The following DST variants were observed in gnomAD, a reference collection of about 807,000 sequenced individuals.
The protein encoded by DST is bullous pemphigoid antigen.
A neutral mutation model predicts 875.2 loss-of-function variants in DST; 253 were observed. That is an observed-to-expected ratio of 0.29 (90% CI 0.26 to 0.32). DST has a LOEUF of 0.32. Among genes scored for constraint, DST ranks in the 10% least tolerant of loss-of-function variants. DST has a pLI of 1.00. For missense variants in DST, 8,287 were observed against 9,111.6 expected (o/e 0.91, Z 3.68); for synonymous variants, 3,124 against 3,197.1 (o/e 0.98, Z 0.77).
intron 4 of DST, among the ~76,000 whole-genome samples, chr6:56,801,707 T>C (rs888529118): frequency 1.3e-5 from 2 of 152,012 alleles, no homozygotes; most frequent in African/African-American, 4.8e-5. Flanking sequence ...ATATAAAATG[T>C]ATTTAATGTT....
intron 15 of DST, among the ~76,000 whole-genome samples, chr6:56,644,010 A>C (rs2098928113): frequency 6.6e-6 from 1 of 152,250 alleles, no homozygotes; most frequent in African/African-American, 2.4e-5. Context: ...AGACGGTTAA[A>C]GAACTTGTCT....
rs780020935 is a variant in DST, at chr6:56,600,139, A to G, written c.11624T>C (p.Ile3875Thr). 11 of 1,612,998 alleles carry G rather than the reference A, an allele frequency of 6.8e-6. No homozygotes were observed. The highest frequency in any genetic ancestry group is 1.7e-5 in the Admixed American group (1 of 59,938). Residue 3875 changes from isoleucine to threonine, a missense_variant, in exon 45 of 104, where the codon ATT (isoleucine) becomes ACT (threonine). Physicochemically the swap from Ile to Thr is moderately conservative, Grantham distance 89. Transcript: ENST00000680361. ...AATCATGAAGGCTTCTTGGTGACCA[A>G]TTAGGCGGTTTTCAGTTTGGGTAAG... ...DLLTQTENRL[I>T]GHQEAFMIGD...
In DST at chr6:56,817,088, A is replaced by AACAC. The variant is rs55717102; in HGVS notation, c.625+34305_625+34308dup. Among the ~76,000 whole-genome samples, 646 of 149,334 alleles carry AACAC rather than the reference A, an allele frequency of 4.3e-3. 1 individual carries two copies. Among genetic ancestry groups the AACAC allele is most frequent in the Middle Eastern group, 0.01 (3 of 290 alleles). ...AATGGGTGTAGCTTTAAGCCACTTA[A>AACAC]ACACACACACACACACACACAAAGT... On this transcript the variant is annotated intron_variant, in intron 4 of 103. Coordinates refer to ENST00000680361, the MANE Select transcript of DST (RefSeq NM_001374736.1).
At chr6:56,937,719 A>G (rs1240647666) in intron 2 of DST, among the ~76,000 whole-genome samples, 1 of 152,214 alleles carries the variant, frequency 6.6e-6, no homozygotes, top group African/African-American at 2.4e-5. Context: ...CAGCGGTGCT[A>G]TTTGTAATAG....
At chr6:56,651,435 A>G (rs1426496932) in intron 10 of DST, among the ~76,000 whole-genome samples, 191 bp from the exon 11 acceptor site, 1 of 152,270 alleles carries the variant, frequency 6.6e-6, no homozygotes, top group Non-Finnish European at 1.5e-5. Context: ...GAAAGCAAAT[A>G]TAACAATGAA....
rs560268832 is a variant in DST at position 56,494,012 on chromosome 6, T to C, written c.20392A>G (p.Lys6798Glu). 195 of 1,585,178 alleles carry C rather than the reference T, an allele frequency of 1.2e-4. No individual in the cohort carries two copies. The highest frequency in any genetic ancestry group is 5.1e-4 in the Middle Eastern group (3 of 5,940). Residue 6798 changes from lysine to glutamate, a missense_variant and splice_region_variant, in exon 83 of 104, where the codon AAA (lysine) becomes GAA (glutamate). Physicochemically the swap from Lys to Glu is moderately conservative, Grantham distance 56. Around this residue, in one of 10 missense-constraint regions of DST, gnomAD observed 1,292 missense variants for 1,552.7 expected, o/e 0.83. Transcript: ENST00000680361. The part of the protein sequence containing the change: ...ESVETKLNER[K>E]TKLEEALNLA... ...ATTATATTAATCAAAGCACATACTT[T>C]CCTTTCATTGAGTTTGGTTTCCACC...
At chr6:56,573,310 C>A (rs1585234616) in intron 51 of DST, among the ~76,000 whole-genome samples, 1 of 152,170 alleles carries the variant, frequency 6.6e-6, no homozygotes, top group Non-Finnish European at 1.5e-5. Context: ...TACTCAGCAA[C>A]CCCTAGAATC....
chr6:56,504,888 T>C, intron 77 of DST, among the ~76,000 whole-genome samples: 1 of 151,998 alleles, frequency 6.6e-6, no homozygotes, highest in African/African-American at 2.4e-5. Context: ...AAATTGTAGA[T>C]GGGGTACTTC....
At chr6:56,756,554 C>T (rs1417801775) in intron 4 of DST, among the ~76,000 whole-genome samples, 4 of 152,256 alleles carry the variant, frequency 2.6e-5, no homozygotes, top group East Asian at 1.9e-4. Flanking sequence ...AGGATAAAGA[C>T]GCTGGCAGGA....
At chr6:56,851,665 T>C in intron 3 of DST, 61 bp from the exon 4 acceptor site, 1 of 1,571,338 alleles carries the variant, frequency 6.4e-7, no homozygotes, top group Non-Finnish European at 8.6e-7. Flanking sequence ...CTCAATGATT[T>C]AAACATCTCC....
At chr6:56,707,471 T>C (rs1000984210) in intron 5 of DST, among the ~76,000 whole-genome samples, 2 of 152,184 alleles carry the variant, frequency 1.3e-5, no homozygotes, top group Non-Finnish European at 2.9e-5. Context: ...TCAAAATAAA[T>C]GGCTTTATTG....
intron 4 of DST, among the ~76,000 whole-genome samples, chr6:56,775,084 A>G (rs779569525): frequency 1.4e-4 from 21 of 152,154 alleles, no homozygotes; most frequent in Non-Finnish European, 2.6e-4. Context: ...AACAGCTTCA[A>G]TAGTAGAGTG....
At chr6:56,869,397 G>C (rs1413054345) in intron 3 of DST, among the ~76,000 whole-genome samples, 1 of 152,140 alleles carries the variant, frequency 6.6e-6, no homozygotes, top group African/African-American at 2.4e-5. Context: ...AGTTTCACTT[G>C]ACAAACAGGA....
chr6:56,618,393 C>G (rs771042463), intron 36 of DST: 1 of 1,614,170 alleles, frequency 6.2e-7, no homozygotes, highest in East Asian at 2.2e-5. Context: ...ATCTCAAAAT[C>G]TGGTTTGAAG....
At chr6:56,940,229 CACACACAT>C (rs1468805842) in intron 2 of DST, among the ~76,000 whole-genome samples, 106 of 137,962 alleles carry the variant, frequency 7.7e-4, no homozygotes, top group African/African-American at 2.5e-3. Flanking sequence ...CACACACACA[CACACACAT>C]ATATACATAT....
chr6:56,724,160 T>C (rs1381291084), intron 5 of DST, among the ~76,000 whole-genome samples: 2 of 152,200 alleles, frequency 1.3e-5, no homozygotes, highest in Admixed American at 6.5e-5. Flanking sequence ...GTTTCTTAAG[T>C]TTTTTAAGTT....
chr6:56,646,249 C>G (rs962722006), intron 13 of DST, 67 bp from the exon 14 acceptor site: 4 of 883,060 alleles, frequency 4.5e-6, no homozygotes, highest in Non-Finnish European at 3.4e-6. Context: ...TCTCACTAAG[C>G]CACCACTTCA....
intron 4 of DST, among the ~76,000 whole-genome samples, chr6:56,787,332 T>G (rs1222423157): frequency 6.6e-6 from 1 of 152,178 alleles, no homozygotes; most frequent in Non-Finnish European, 1.5e-5. Context: ...TTATTTCAGA[T>G]GAGTATAGTG....
At chr6:56,939,428 A>C (rs1459413906) in intron 2 of DST, among the ~76,000 whole-genome samples, 1 of 152,170 alleles carries the variant, frequency 6.6e-6, no homozygotes, top group African/African-American at 2.4e-5. Context: ...TTGGTATGAG[A>C]GTAGTTCTAA....
Sources: gnomAD v4.1 joint callset for allele counts (sites outside exome capture counted in the v4.1 genomes callset) on GRCh38, gnomAD v4.1.1 for gene constraint, gnomAD v4.1.1 regional missense constraint, MANE v1.5 for transcripts, NCBI Gene and HGNC (gene_info 2026-07-23, HGNC 2026-07-21) for gene names.